BCR: variants seen among roughly 807,000 people sequenced by gnomAD.
The protein encoded by BCR is BCR activator of RhoGEF and GTPase, also known as breakpoint cluster region protein.
A neutral mutation model predicts 138.6 loss-of-function variants in BCR; 58 were observed. That is an observed-to-expected ratio of 0.42 (90% CI 0.34 to 0.52). The LOEUF is 0.52. BCR is among the 20% of genes least tolerant of loss of function. The pLI is 0.06. For missense variants in BCR, 1,599 were observed against 1,727.2 expected, an observed-to-expected ratio of 0.93 and a Z score of 1.32; for synonymous variants, 786 against 730.1, an observed-to-expected ratio of 1.08 and a Z score of -1.23.
chr22:23,264,747 C>T (rs1259840683), intron 4 of BCR: 1 of 157,214 alleles, frequency 6.4e-6, no homozygotes, highest in Non-Finnish European at 1.4e-5. Context: ...CTGCCACTTC[C>T]TGGAAAGAAA....
At chr22:23,242,699 A>G in intron 1 of BCR, 1 of 295,790 alleles carries the variant, frequency 3.4e-6, no homozygotes, top group South Asian at 2.8e-5. Flanking sequence ...GGGCTGGGTT[A>G]TCTCTGTCCT....
chr22:23,188,238 CA>C (rs1377928305), intron 1 of BCR, among the ~76,000 whole-genome samples: 1 of 152,206 alleles, frequency 6.6e-6, no homozygotes, highest in Non-Finnish European at 1.5e-5. Context: ...TCAAATTTTA[CA>C]AGCGTTCTCT....
intron 15 of BCR, among the ~76,000 whole-genome samples, chr22:23,294,024 C>G (rs1568978078): frequency 6.6e-6 from 1 of 152,216 alleles, no homozygotes; most frequent in Non-Finnish European, 1.5e-5. Flanking sequence ...CCAAGTCCCT[C>G]TCCCTCCTGT....
chr22:23,199,813 A>G (rs1035075940), intron 1 of BCR, among the ~76,000 whole-genome samples: 2 of 152,156 alleles, frequency 1.3e-5, no homozygotes, highest in African/African-American at 2.4e-5. Context: ...AGGCGGGGCC[A>G]GGCGCGATGG....
chr22:23,282,299 G>A (rs911100744), intron 8 of BCR, among the ~76,000 whole-genome samples: 12 of 152,368 alleles, frequency 7.9e-5, no homozygotes, highest in African/African-American at 2.2e-4. Context: ...CGTGGGTGCC[G>A]TCACCAGGCA....
At chr22:23,200,277 C>G (rs2072537298) in intron 1 of BCR, among the ~76,000 whole-genome samples, 1 of 152,066 alleles carries the variant, frequency 6.6e-6, no homozygotes, top group African/African-American at 2.4e-5. Flanking sequence ...CCTGACTGCA[C>G]TTTTTTCAGA....
chr22:23,264,330 C>T (rs891921791), intron 4 of BCR: 12 of 985,348 alleles, frequency 1.2e-5, no homozygotes, highest in South Asian at 2.5e-5. Flanking sequence ...GTCTTACAAC[C>T]TCCACGTCCT....
chr22:23,230,064 T>TTTC (rs397819954), intron 1 of BCR, among the ~76,000 whole-genome samples: 1 of 151,334 alleles, frequency 6.6e-6, no homozygotes, highest in Non-Finnish European at 1.5e-5. Flanking sequence ...TTTTTTTTTT[T>TTTC]CCTCTTGTCT....
intron 6 of BCR, 141 bp from the exon 7 acceptor site, chr22:23,272,940 C>G: frequency 1.2e-6 from 1 of 839,540 alleles, no homozygotes; most frequent in South Asian, 1.5e-5. Flanking sequence ...CTAGCCTTGC[C>G]CTTGTCACTG....
rs1191798343 is a variant in BCR, at chr22:23,271,608, T to C, written c.1921+16T>C. On this transcript the variant is annotated intron_variant, in intron 6 of 22. Coordinates refer to ENST00000305877, the MANE Select transcript of BCR (RefSeq NM_004327.4). ...TCTCTGGAAAGTGAGTTCTGCATGC[T>C]GAGGTCTCTGTGTGCCCTCGTCAGG... The C allele has an allele frequency of 6.8e-6, 11 of 1,612,830 alleles. No homozygotes were observed. Among genetic ancestry groups the C allele is most frequent in the Non-Finnish European group, 9.3e-6 (11 of 1,179,092 alleles).
chr22:23,290,364 G>A lies in BCR; in HGVS notation c.2733G>A (p.Gly911=), dbSNP rs1385960644. 5 of 1,614,050 alleles carry A rather than the reference G, an allele frequency of 3.1e-6. No homozygotes were observed. The Admixed American group carries it at 8.3e-5, about 27-fold the overall frequency. The part of the protein sequence containing the change: ...KEDDESPGLY[G]FLNVIVHSAT... ...ATGATGAGTCTCCGGGGCTCTATGGGTTTCTGAATGTCATCGTCCACTCAG... is the reference window on the plus strand; with the variant it reads ...ATGATGAGTCTCCGGGGCTCTATGGATTTCTGAATGTCATCGTCCACTCAG... The change falls in exon 14 of 23, where the codon GGG becomes GGA. Residue 911 remains glycine (G), a synonymous_variant. Transcript: ENST00000305877.
intron 1 of BCR, among the ~76,000 whole-genome samples, chr22:23,241,832 G>A (rs1197866116): frequency 6.6e-6 from 1 of 152,078 alleles, no homozygotes; most frequent in Non-Finnish European, 1.5e-5. Context: ...CTGTCTCCCT[G>A]CAGCCTCTAG....
intron 22 of BCR, among the ~76,000 whole-genome samples, chr22:23,315,007 T>C (rs1438534817): frequency 2.0e-5 from 3 of 152,160 alleles, no homozygotes; most frequent in Non-Finnish European, 4.4e-5. Flanking sequence ...GGATAACCAA[T>C]CCCAGGTGTT....
At chr22:23,307,005 G>C (rs995397293) in intron 16 of BCR, among the ~76,000 whole-genome samples, 1 of 152,204 alleles carries the variant, frequency 6.6e-6, no homozygotes, top group Admixed American at 6.5e-5. Flanking sequence ...GCCTGTTCTG[G>C]GTTTTCAAGG....
At chr22:23,229,133 T>G (rs1194994794) in intron 1 of BCR, among the ~76,000 whole-genome samples, 1 of 152,246 alleles carries the variant, frequency 6.6e-6, no homozygotes, top group Non-Finnish European at 1.5e-5. Flanking sequence ...CATTGTCATC[T>G]CCATTCTGCT....
In BCR at chr22:23,261,537, G is replaced by A; in HGVS notation, c.1749G>A (p.Lys583=). The A allele has an allele frequency of 6.2e-7, 1 of 1,611,672 alleles. No homozygotes were observed. Among genetic ancestry groups the A allele is most frequent in the Non-Finnish European group, 8.5e-7 (1 of 1,180,004 alleles). Residue 583 remains lysine, a synonymous_variant, in exon 4 of 23, where the codon AAG becomes AAA. Coordinates refer to ENST00000305877, the MANE Select transcript of BCR (RefSeq NM_004327.4). ...AGCGGGTGGGCGACCTCTTCCAGAA[G>A]CTGGTGAGTAACCCAGGGCCGGTGC... ...HQQRVGDLFQ[K]LASQLGVYRA... is the part of the protein sequence containing the mutation.
At chr22:23,266,650 A>G (rs1161377904) in intron 4 of BCR, among the ~76,000 whole-genome samples, 3 of 152,206 alleles carry the variant, frequency 2.0e-5, no homozygotes, top group South Asian at 2.1e-4. Context: ...TCGGCCTCCC[A>G]AAGTGCTAGG....
intron 4 of BCR, among the ~76,000 whole-genome samples, chr22:23,266,612 A>G (rs2073444475): frequency 6.6e-6 from 1 of 151,686 alleles, no homozygotes; most frequent in Admixed American, 6.6e-5. Context: ...TTGGTCTTGA[A>G]CTCCTGACCT....
In BCR at chr22:23,229,489, A is replaced by AT. The variant is rs879517807; in HGVS notation, c.1280-24297dup. Among the ~76,000 whole-genome samples, 506 of 146,494 alleles carry AT rather than the reference A, an allele frequency of 3.5e-3. 2 individuals are homozygous for AT. Among genetic ancestry groups the AT allele is most frequent in the African/African-American group, 9.4e-3 (379 of 40,184 alleles). On this transcript the variant is annotated intron_variant, in intron 1 of 22. Coordinates refer to ENST00000305877, the MANE Select transcript of BCR (RefSeq NM_004327.4). ...TTAAATGTTCTGAAAATGTTGACTGATTTTTTTTTTTTTAAACAGGCAGTC... is the reference window on the plus strand; with the variant it reads ...TTAAATGTTCTGAAAATGTTGACTGATTTTTTTTTTTTTTAAACAGGCAGTC...
Sources: allele counts gnomAD v4.1 joint callset (sites outside exome capture counted in the v4.1 genomes callset), GRCh38; gene constraint gnomAD v4.1.1; transcripts MANE v1.5; gene names NCBI Gene and HGNC (gene_info 2026-07-23, HGNC 2026-07-21).